Variants in SMC1B observed in about 807,000 individuals in gnomAD.
The protein encoded by SMC1B is structural maintenance of chromosomes protein 1B.
In SMC1B, 60 loss-of-function variants were observed where a neutral mutation model predicts 157.9. The observed-to-expected ratio is 0.38, with a 90% CI of 0.31 to 0.47. The LOEUF is 0.47. Ranked by LOEUF, SMC1B falls within the 20% of genes least tolerant of loss-of-function variation. The pLI is 0.99. For missense variants in SMC1B, 1,165 were observed against 1,426.2 expected (o/e 0.82, Z 2.95); for synonymous variants, 445 against 483.0 (o/e 0.92, Z 1.03).
intron 12 of SMC1B, among the ~76,000 whole-genome samples, chr22:45,382,055 C>A (rs565904879): frequency 6.6e-6 from 1 of 151,906 alleles, no homozygotes; most frequent in Non-Finnish European, 1.5e-5. Context: ...AAGCTGGATC[C>A]CCAGTCATCA....
intron 5 of SMC1B, 72 bp downstream of exon 5, chr22:45,402,261 G>T: frequency 2.0e-6 from 2 of 996,268 alleles, no homozygotes; most frequent in Non-Finnish European, 3.0e-6. Flanking sequence ...AATTTTCAAA[G>T]TGTCACTTAT....
intron 22 of SMC1B, 84 bp downstream of exon 22, chr22:45,352,367 A>G: frequency 1.6e-6 from 2 of 1,257,672 alleles, no homozygotes; most frequent in Non-Finnish European, 2.2e-6. Flanking sequence ...ATATTAATAA[A>G]GACAATAGTT....
chr22:45,403,181 G>A (rs533162886), intron 4 of SMC1B, among the ~76,000 whole-genome samples: 8 of 152,254 alleles, frequency 5.3e-5, no homozygotes, highest in East Asian at 1.9e-4. Flanking sequence ...AAGTTGTTTC[G>A]TTCTAACTGT....
rs1401287332 is a variant in SMC1B at position 45,353,303 on chromosome 22, G to T, written c.3273+675C>A. Among the ~76,000 whole-genome samples, 8 of 150,584 alleles carry T rather than the reference G, an allele frequency of 5.3e-5. No individual in the cohort carries two copies. In the South Asian group the frequency reaches 1.7e-3, roughly 32 times the overall value. On this transcript the variant is annotated intron_variant, in intron 21 of 24. Coordinates refer to ENST00000357450, the MANE Select transcript of SMC1B (RefSeq NM_148674.5). The stretch of plus-strand genomic sequence containing the variant: ...GAAAGAAAGAAAGAAAAAAAAAAAG[G>T]GTTAATGGGTTTTAGTCTTACTTTA...
chr22:45,394,547 C>A, intron 8 of SMC1B, 138 bp downstream of exon 8: 1 of 1,011,464 alleles, frequency 9.9e-7, no homozygotes, highest in South Asian at 2.4e-5. Flanking sequence ...GAGGTAGGAG[C>A]GTCATGTGAG....
Position 45,406,621 on chromosome 22 carries a change from T to A in SMC1B, c.454A>T (p.Thr152Ser). 6.2e-7 allele frequency: 1 copy of A among 1,613,724 alleles called. No homozygotes were observed. The highest frequency in any genetic ancestry group is 8.5e-7 in the Non-Finnish European group (1 of 1,179,920). ...GTGCTGATTTCCTCAAAAAACTGGG[T>A]CCTTTCTTTGGGTTTCTTCACTGAA... ...SISVKKPKER[T>S]QFFEEISTSG... The change falls in exon 4 of 25, where the codon ACC becomes TCC. Residue 152 changes from threonine to serine, a missense_variant. Thr to Ser is a moderately conservative substitution (Grantham distance 58). Transcript: ENST00000357450.
intron 19 of SMC1B, among the ~76,000 whole-genome samples, chr22:45,357,095 A>G (rs1477037814): frequency 6.6e-6 from 1 of 152,156 alleles, no homozygotes; most frequent in Non-Finnish European, 1.5e-5. Flanking sequence ...AGTTTTTTGC[A>G]TGACTCAGCT....
chr22:45,397,895 T>C (rs779494178), intron 6 of SMC1B, among the ~76,000 whole-genome samples: 1 of 152,178 alleles, frequency 6.6e-6, no homozygotes, highest in Non-Finnish European at 1.5e-5. Flanking sequence ...CACTCTTCGA[T>C]TGCCAGTGTA....
chr22:45,353,903 A>AAC (rs11437269), intron 21 of SMC1B, 75 bp downstream of exon 21: 2 of 613,196 alleles, frequency 3.3e-6, no homozygotes, highest in East Asian at 4.3e-5. Context: ...CAAAAAAAAA[A>AAC]AAAAAAAAAA....
chr22:45,345,694 A>G (rs2086544206), intron 23 of SMC1B, 125 bp from the exon 24 acceptor site: 3 of 611,036 alleles, frequency 4.9e-6, no homozygotes, highest in African/African-American at 1.9e-5. Flanking sequence ...CACCTTTCCA[A>G]TAATTCAATA....
In SMC1B at chr22:45,377,855, CT is replaced by C. The variant is rs897467093; in HGVS notation, c.2059-5564del. Among the ~76,000 whole-genome samples, 628 of 144,386 alleles carry C rather than the reference CT, an allele frequency of 4.3e-3. 5 individuals carry two copies. The highest frequency in any genetic ancestry group is 0.013 in the African/African-American group (523 of 39,706). 94.7% of individuals were successfully genotyped at this position (144,386 alleles called of 152,430 possible). The stretch of plus-strand genomic sequence containing the variant: ...CTGGCCAGTTGTTCTAATTGCTTTC[CT>C]TTTTTTTTTTGAGACAGGGTCTCCT... On this transcript the variant is annotated intron_variant, in intron 12 of 24. Coordinates refer to ENST00000357450, the MANE Select transcript of SMC1B (RefSeq NM_148674.5).
At chr22:45,360,489 T>G (rs2086710904) in intron 17 of SMC1B, among the ~76,000 whole-genome samples, 1 of 152,142 alleles carries the variant, frequency 6.6e-6, no homozygotes, top group Non-Finnish European at 1.5e-5. Flanking sequence ...AAGAACTATG[T>G]GTTTTTCAAG....
chr22:45,376,781 C>T (rs1342586297), intron 12 of SMC1B, among the ~76,000 whole-genome samples: 3 of 151,706 alleles, frequency 2.0e-5, no homozygotes, highest in Non-Finnish European at 4.4e-5. Flanking sequence ...ATCTAATTTT[C>T]AGCTCCTTAG....
chr22:45,399,856 G>A (rs1490358429), intron 5 of SMC1B, among the ~76,000 whole-genome samples: 1 of 152,104 alleles, frequency 6.6e-6, no homozygotes, highest in Non-Finnish European at 1.5e-5. Flanking sequence ...GCTTTCCATG[G>A]GGGTACGGGT....
chr22:45,402,306 T>C, intron 5 of SMC1B, 27 bp downstream of exon 5: 1 of 1,468,774 alleles, frequency 6.8e-7, no homozygotes, highest in Non-Finnish European at 9.5e-7. Flanking sequence ...ATAACCCAAC[T>C]GTTAATATCT....
chr22:45,392,783 C>T (rs1198451708), intron 9 of SMC1B, among the ~76,000 whole-genome samples: 2 of 152,114 alleles, frequency 1.3e-5, no homozygotes, highest in Non-Finnish European at 2.9e-5. Flanking sequence ...TCACTGCAAA[C>T]TCTGCCTCCC....
intron 17 of SMC1B, 54 bp downstream of exon 17, chr22:45,361,785 T>C (rs2086723952): frequency 1.3e-6 from 2 of 1,522,064 alleles, no homozygotes; most frequent in African/African-American, 2.8e-5. Context: ...AGATAGTTGG[T>C]GTCCATGTTT....
intron 13 of SMC1B, 24 bp downstream of exon 13, chr22:45,372,131 A>G (rs746803999): frequency 1.9e-6 from 3 of 1,565,270 alleles, no homozygotes; most frequent in South Asian, 1.2e-5. Context: ...AATGCCTATC[A>G]TATTTTATGT....
Position 45,399,274 on chromosome 22 carries a change from A to C in SMC1B, c.934T>G (p.Leu312Val), listed in dbSNP as rs1257976889. The C allele has an allele frequency of 6.2e-7, 1 of 1,613,942 alleles. No homozygotes were observed. ...KENTSHHLKK[L>V]DVAKKSIKDS... is the part of the protein sequence containing the mutation. ...TTTATTGATTTCTTAGCCACATCTA[A>C]TTTCTTAAGGTGGTGAGAAGTGTTT... Residue 312 changes from leucine (L) to valine (V), a missense_variant, in exon 6 of 25, where the codon TTA becomes GTA. By Grantham distance (32) the Leu-to-Val change is conservative. Transcript: ENST00000357450.
Sources: gnomAD v4.1 joint callset for allele counts (sites outside exome capture counted in the v4.1 genomes callset) on GRCh38, gnomAD v4.1.1 for gene constraint, MANE v1.5 for transcripts, NCBI Gene and HGNC (gene_info 2026-07-23, HGNC 2026-07-21) for gene names.